Variants in SND1 observed in about 807,000 individuals in gnomAD.
SND1 encodes staphylococcal nuclease domain-containing protein 1.
In SND1, 38 loss-of-function variants were observed where a neutral mutation model predicts 121.7. That is an observed-to-expected ratio of 0.31 (90% CI 0.24 to 0.41). The LOEUF is 0.41. Ranked by LOEUF, SND1 falls within the 10% of genes least tolerant of loss-of-function variation. The probability of loss-of-function intolerance (pLI) is 1.00; values close to 1 mark genes in which losing one functional copy is unlikely to be tolerated. For synonymous variants in SND1, 401 were observed against 447.4 expected (o/e 0.90, Z 1.31); for missense variants, 868 against 1,184.6 (o/e 0.73, Z 3.92).
chr7:128,063,192 T>C (rs1793259220), intron 16 of SND1, among the ~76,000 whole-genome samples: 1 of 152,150 alleles, frequency 6.6e-6, no homozygotes, highest in Non-Finnish European at 1.5e-5. Flanking sequence ...TGCTGAGGGA[T>C]GGGTGGTGAG....
At chr7:127,956,809 CTTGT>C (rs1405299003) in intron 15 of SND1, among the ~76,000 whole-genome samples, 9 of 152,332 alleles carry the variant, frequency 5.9e-5, no homozygotes, top group Admixed American at 4.6e-4. Context: ...GACACTATCT[CTTGT>C]TTATTTTATT....
intron 22 of SND1, among the ~76,000 whole-genome samples, chr7:128,090,053 A>G (rs1793751935): frequency 6.6e-6 from 1 of 152,096 alleles, no homozygotes; most frequent in East Asian, 1.9e-4. Flanking sequence ...CCAAGTCAAT[A>G]ACCAACTCCT....
intron 15 of SND1, among the ~76,000 whole-genome samples, chr7:127,962,278 G>A (rs1801750380): frequency 6.6e-6 from 1 of 152,138 alleles, no homozygotes; most frequent in Non-Finnish European, 1.5e-5. Context: ...CAAACTGACT[G>A]CAAATCAAAC....
chr7:127,669,742 T>A (rs1283344232), intron 1 of SND1, among the ~76,000 whole-genome samples: 2 of 152,238 alleles, frequency 1.3e-5, no homozygotes, highest in African/African-American at 4.8e-5. Flanking sequence ...CTCCATGTAC[T>A]GTGCTGGCTA....
In SND1 at chr7:128,091,619, G is replaced by A. The variant is rs544973853; in HGVS notation, c.2623-218G>A. Among the ~76,000 whole-genome samples, 201 of 152,270 alleles carry A rather than the reference G, an allele frequency of 1.3e-3. 6 individuals carry two copies. In the South Asian group the frequency reaches 0.04, roughly 30 times the overall value. ...GCCAGGAGGACGTGACCAGAGGAGCGTTCCAGGCAGACAGAAGAGCTAGTG... is the reference window on the plus strand; with the variant it reads ...GCCAGGAGGACGTGACCAGAGGAGCATTCCAGGCAGACAGAAGAGCTAGTG... On this transcript the variant is annotated intron_variant, in intron 22 of 23. Transcript: ENST00000354725.
intron 1 of SND1, among the ~76,000 whole-genome samples, chr7:127,684,254 T>A (rs1344031175): frequency 6.6e-6 from 1 of 152,210 alleles, no homozygotes; most frequent in Non-Finnish European, 1.5e-5. Context: ...GGCCTTAGCT[T>A]TTATGACTGG....
chr7:127,689,429 G>A (rs1310230475), intron 2 of SND1, among the ~76,000 whole-genome samples: 1 of 152,214 alleles, frequency 6.6e-6, no homozygotes, highest in African/African-American at 2.4e-5. Flanking sequence ...TGCCCAGAAG[G>A]AAGAACTAGT....
At chr7:127,709,939 G>A (rs537016424) in intron 9 of SND1, among the ~76,000 whole-genome samples, 1 of 151,846 alleles carries the variant, frequency 6.6e-6, no homozygotes, top group Admixed American at 6.6e-5. Flanking sequence ...AAGAAGATAA[G>A]CATAAATACC....
intron 11 of SND1, among the ~76,000 whole-genome samples, chr7:127,831,065 T>G (rs1798729598): frequency 6.6e-6 from 1 of 152,170 alleles, no homozygotes; most frequent in African/African-American, 2.4e-5. Context: ...AGTATTAAAG[T>G]AAAAAACAAA....
chr7:127,707,000 G>C (rs1264963996), intron 8 of SND1, among the ~76,000 whole-genome samples: 2 of 151,948 alleles, frequency 1.3e-5, no homozygotes, highest in Admixed American at 1.3e-4. Context: ...TCATAGTCTG[G>C]CTCAGAAAAT....
chr7:127,957,581 G>A (rs2116864952), intron 15 of SND1, among the ~76,000 whole-genome samples: 1 of 152,290 alleles, frequency 6.6e-6, no homozygotes, highest in East Asian at 1.9e-4. Flanking sequence ...CCGTTGCCTT[G>A]CTAGCCTTGG....
At chr7:128,057,063 G>A (rs1337575857) in intron 16 of SND1, among the ~76,000 whole-genome samples, 1 of 152,146 alleles carries the variant, frequency 6.6e-6, no homozygotes, top group Non-Finnish European at 1.5e-5. Flanking sequence ...AGGGCAAGAG[G>A]TTTCATCACG....
At chr7:127,731,054 C>T (rs984786296) in intron 10 of SND1, among the ~76,000 whole-genome samples, 1 of 152,250 alleles carries the variant, frequency 6.6e-6, no homozygotes, top group African/African-American at 2.4e-5. Context: ...GAACGACTGG[C>T]ATGCGGAAGC....
Position 127,731,102 on chromosome 7 carries a change from C to T in SND1, c.1152+9702C>T, listed in dbSNP as rs1562993781. 3.3e-5 allele frequency among the ~76,000 whole-genome samples: 5 copies of T among 152,342 alleles called. No individual in the cohort carries two copies. In the South Asian group the frequency reaches 1.0e-3, roughly 32 times the overall value. On this transcript the variant is annotated intron_variant, in intron 10 of 23. Coordinates refer to ENST00000354725, the MANE Select transcript of SND1 (RefSeq NM_014390.4). Reference sequence around the variant, plus strand: ...TCTGGGAGGAGCTGCGTAGCCAGGGCTCCCCTTCCAGCCTCCCGTCTCCCT... The same window carrying T: ...TCTGGGAGGAGCTGCGTAGCCAGGGTTCCCCTTCCAGCCTCCCGTCTCCCT...
chr7:127,975,338 CGCGCATGTGCGCACGCGCGT>C (rs1318460225), intron 15 of SND1, among the ~76,000 whole-genome samples: 1 of 151,986 alleles, frequency 6.6e-6, no homozygotes, highest in Non-Finnish European at 1.5e-5. Flanking sequence ...TGTGGGCGCG[CGCGCATGTGCGCACGCGCGT>C]GTGTATGTGA....
intron 16 of SND1, among the ~76,000 whole-genome samples, chr7:127,991,432 G>C (rs1802522672): frequency 6.6e-6 from 1 of 152,202 alleles, no homozygotes; most frequent in Non-Finnish European, 1.5e-5. Flanking sequence ...ACATTTATTT[G>C]TATCTTTGAG....
intron 17 of SND1, among the ~76,000 whole-genome samples, chr7:128,075,874 T>TC (rs1199207914): frequency 6.6e-6 from 1 of 152,214 alleles, no homozygotes; most frequent in Admixed American, 6.5e-5. Context: ...CACGGCTTCT[T>TC]CCTGGATTTC....
intron 16 of SND1, among the ~76,000 whole-genome samples, chr7:128,071,793 C>T (rs1793416499): frequency 6.6e-6 from 1 of 152,200 alleles, no homozygotes; most frequent in Non-Finnish European, 1.5e-5. Flanking sequence ...GTGGCTGTGG[C>T]AGCTGTAATA....
At chr7:127,682,668 C>A (rs189267536) in intron 1 of SND1, among the ~76,000 whole-genome samples, 2 of 152,214 alleles carry the variant, frequency 1.3e-5, no homozygotes, top group African/African-American at 4.8e-5. Flanking sequence ...TCAATCTTAA[C>A]ATTATTCTCC....
Sources: allele counts gnomAD v4.1 joint callset (sites outside exome capture counted in the v4.1 genomes callset), GRCh38; gene constraint gnomAD v4.1.1; transcripts MANE v1.5; gene names NCBI Gene and HGNC (gene_info 2026-07-23, HGNC 2026-07-21).